The following UBE2U variants were observed in gnomAD, a reference collection of about 807,000 sequenced individuals.
UBE2U encodes ubiquitin-conjugating enzyme E2 U.
UBE2U carries 39 observed loss-of-function variants against 41.2 expected under a neutral mutation model. The observed-to-expected ratio is 0.95, with a 90% CI of 0.73 to 1.24. UBE2U has a LOEUF of 1.24. Among genes scored for constraint, UBE2U ranks in the 50% most tolerant of loss-of-function variants. The pLI, the probability that UBE2U is intolerant of heterozygous loss-of-function variation, is 0.00. For missense variants in UBE2U, 336 were observed against 363.1 expected (o/e 0.93, Z 0.61); for synonymous variants, 107 against 117.8 (o/e 0.91, Z 0.60).
intron 3 of UBE2U, 41 bp downstream of exon 3, chr1:64,206,897 C>T: frequency 8.9e-7 from 1 of 1,120,934 alleles, no homozygotes. Flanking sequence ...AGGCTTTGTC[C>T]CTATTATCCT....
chr1:64,247,864 CAAAA>C (rs71056034), intron 8 of UBE2U, among the ~76,000 whole-genome samples: 23,266 of 127,778 alleles, frequency 0.18, 2,458 homozygotes, highest in Non-Finnish European at 0.26. Flanking sequence ...ACCTGTCTCA[CAAAA>C]AAAAAAAAAA....
chr1:64,239,103 AAG>A (rs1491493694), intron 7 of UBE2U, among the ~76,000 whole-genome samples: 5 of 8,302 alleles, frequency 6.0e-4, no homozygotes, highest in Admixed American at 1.1e-3. Context: ...GAAGAAGAAG[AAG>A]AAGAAGAAGA....
intron 5 of UBE2U, among the ~76,000 whole-genome samples, chr1:64,217,617 G>A (rs2100301207): frequency 6.6e-6 from 1 of 152,190 alleles, no homozygotes; most frequent in Middle Eastern, 3.4e-3. Context: ...AAAAATACAA[G>A]AGTATAAAAA....
chr1:64,264,493 A>G (rs960881402), intron 9 of UBE2U, among the ~76,000 whole-genome samples: 3 of 152,218 alleles, frequency 2.0e-5, no homozygotes, highest in Admixed American at 6.5e-5. Context: ...ATTTTGCATT[A>G]TAGTCTGCTG....
At chr1:64,208,480 C>T (rs779532765) in intron 3 of UBE2U, among the ~76,000 whole-genome samples, 15 of 151,576 alleles carry the variant, frequency 9.9e-5, no homozygotes, top group Non-Finnish European at 1.9e-4. Context: ...TAGCATGTGC[C>T]TGTAGTCCCA....
intron 7 of UBE2U, 127 bp from the exon 8 acceptor site, chr1:64,241,525 T>C (rs1210696097): frequency 1.7e-6 from 1 of 603,740 alleles, no homozygotes; most frequent in African/African-American, 1.9e-5. Flanking sequence ...TAATATGACT[T>C]GAATTATATA....
At chr1:64,244,154 G>A (rs766905343) in intron 8 of UBE2U, 27 of 1,608,894 alleles carry the variant, frequency 1.7e-5, no homozygotes, top group Non-Finnish European at 2.1e-5. Context: ...TTTGGAAGCA[G>A]CATAGGGGAA....
intron 6 of UBE2U, among the ~76,000 whole-genome samples, chr1:64,226,247 G>GA (rs1179811564): frequency 1.3e-5 from 2 of 152,092 alleles, no homozygotes; most frequent in African/African-American, 2.4e-5. Flanking sequence ...TATGTTGAGT[G>GA]AAAAAAACCA....
intron 8 of UBE2U, among the ~76,000 whole-genome samples, chr1:64,247,234 A>G (rs575036154): frequency 3.3e-5 from 5 of 152,168 alleles, no homozygotes; most frequent in Admixed American, 6.5e-5. Flanking sequence ...TCTCTCTCCA[A>G]TGTAGCCTCA....
intron 4 of UBE2U, 65 bp downstream of exon 4, chr1:64,210,904 A>G: frequency 8.5e-7 from 1 of 1,170,622 alleles, no homozygotes; most frequent in Non-Finnish European, 1.2e-6. Context: ...TTCAAACTAC[A>G]AGGATTAAAA....
intron 9 of UBE2U, among the ~76,000 whole-genome samples, chr1:64,262,196 C>T (rs374550944): frequency 2.6e-4 from 39 of 152,268 alleles, no homozygotes; most frequent in African/African-American, 7.7e-4. Context: ...AGATTCAGTT[C>T]GGGTATTACC....
chr1:64,239,174 A>AGAAG (rs1553169050), intron 7 of UBE2U, among the ~76,000 whole-genome samples: 49 of 94,532 alleles, frequency 5.2e-4, no homozygotes, highest in African/African-American at 2.0e-3. Context: ...AAGAAGAAGA[A>AGAAG]GAAGAAGAAG....
chr1:64,255,564 C>T (rs1645076942), intron 8 of UBE2U, among the ~76,000 whole-genome samples: 1 of 152,156 alleles, frequency 6.6e-6, no homozygotes, highest in Non-Finnish European at 1.5e-5. Context: ...CATCAAAAAA[C>T]TTATCCACCA....
intron 6 of UBE2U, among the ~76,000 whole-genome samples, chr1:64,228,933 T>A (rs1231564140): frequency 6.8e-6 from 1 of 146,834 alleles, no homozygotes; most frequent in African/African-American, 2.5e-5. Flanking sequence ...CGATCTCAGC[T>A]CACGGCAACC....
chr1:64,229,045 G>A (rs1653096485), intron 6 of UBE2U, among the ~76,000 whole-genome samples: 1 of 151,934 alleles, frequency 6.6e-6, no homozygotes, highest in Admixed American at 6.6e-5. Context: ...ATTTTTAGTA[G>A]AGACAGGGTT....
chr1:64,257,394 A>C (rs1341217988), intron 8 of UBE2U, among the ~76,000 whole-genome samples: 1 of 152,220 alleles, frequency 6.6e-6, no homozygotes, highest in Non-Finnish European at 1.5e-5. Context: ...GGAAAAAGAA[A>C]ATGTGGTACA....
At chr1:64,254,633 C>T (rs944093693) in intron 8 of UBE2U, among the ~76,000 whole-genome samples, 1 of 152,166 alleles carries the variant, frequency 6.6e-6, no homozygotes, top group African/African-American at 2.4e-5. Context: ...GGAAATTGAG[C>T]AACCTGCTCC....
At chr1:64,207,333 C>G (rs977121548) in intron 3 of UBE2U, among the ~76,000 whole-genome samples, 3 of 152,034 alleles carry the variant, frequency 2.0e-5, no homozygotes, top group African/African-American at 7.2e-5. Flanking sequence ...GTATTTTTAG[C>G]AGAGATGGGG....
chr1:64,258,518 G>A lies in UBE2U; in HGVS notation c.678-2085G>A, dbSNP rs544256530. Among the ~76,000 whole-genome samples the A allele has an allele frequency of 3.1e-3, 344 of 111,942 alleles. 3 individuals carry two copies. The highest frequency in any genetic ancestry group is 0.011 in the African/African-American group (309 of 28,326). 73.4% of individuals were successfully genotyped at this position (111,942 alleles called of 152,430 possible). A position where few individuals can be genotyped will look rare whatever the true frequency, so the allele number is the denominator to read the frequency against. On this transcript the variant is annotated intron_variant, in intron 8 of 9. Transcript: ENST00000371077. ...CCCCTTGTGTGATGTTCCCCGCCCC[G>A]TGTCCAGTTGTTCTCATTGTTCAGT... is the stretch of plus-strand genomic sequence containing the variant.
Sources: allele counts gnomAD v4.1 joint callset (sites outside exome capture counted in the v4.1 genomes callset), GRCh38; gene constraint gnomAD v4.1.1; transcripts MANE v1.5; gene names NCBI Gene and HGNC (gene_info 2026-07-23, HGNC 2026-07-21).